Variants in THSD7B observed in about 807,000 individuals in gnomAD.
The protein encoded by THSD7B is thrombospondin type 1 domain containing 7B, also known as thrombospondin type-1 domain-containing protein 7B.
A neutral mutation model predicts 213.6 loss-of-function variants in THSD7B; 138 were observed. The observed-to-expected ratio is 0.65, with a 90% confidence interval of 0.56 to 0.74. The LOEUF (loss-of-function observed/expected upper bound fraction) is 0.74, where lower values mean the gene tolerates loss of function less well. THSD7B is among the 30% of genes least tolerant of loss of function. The pLI, the probability that THSD7B is intolerant of heterozygous loss-of-function variation, is 0.00. For synonymous variants in THSD7B, 742 were observed against 687.0 expected (o/e 1.08, Z -1.25); for missense variants, 1,931 against 1,991.5 (o/e 0.97, Z 0.58).
At chr2:137,433,649 C>T (rs1431894289) in intron 14 of THSD7B, among the ~76,000 whole-genome samples, 1 of 151,988 alleles carries the variant, frequency 6.6e-6, no homozygotes, top group Admixed American at 6.6e-5. Flanking sequence ...CCTCCGTGCC[C>T]CACCTATTTT....
chr2:136,844,205 G>A (rs112694970), intron 1 of THSD7B, among the ~76,000 whole-genome samples: 1,760 of 152,210 alleles, frequency 0.012, 14 homozygotes, highest in Middle Eastern at 0.024. Flanking sequence ...TAACACAGGG[G>A]TTAACGTAGG....
At chr2:137,103,937 G>A (rs768265257) in intron 4 of THSD7B, among the ~76,000 whole-genome samples, 32 of 152,118 alleles carry the variant, frequency 2.1e-4, no homozygotes, top group Admixed American at 7.2e-4. Context: ...AATAATAGTG[G>A]GAGACTTTAA....
chr2:136,823,833 T>C (rs1036918338), intron 1 of THSD7B, among the ~76,000 whole-genome samples: 2 of 152,224 alleles, frequency 1.3e-5, no homozygotes, highest in Non-Finnish European at 1.5e-5. Context: ...GATAAGTTTC[T>C]TCCTTTGAAT....
chr2:137,505,495 C>T (rs939055662), intron 15 of THSD7B, among the ~76,000 whole-genome samples: 1 of 152,184 alleles, frequency 6.6e-6, no homozygotes, highest in Admixed American at 6.5e-5. Context: ...AAGCCCAGTT[C>T]CGCAGAGCTT....
intron 15 of THSD7B, among the ~76,000 whole-genome samples, chr2:137,470,597 T>C (rs1332326203): frequency 1.3e-5 from 2 of 152,212 alleles, no homozygotes; most frequent in African/African-American, 2.4e-5. Flanking sequence ...CTCCATGATG[T>C]TGCAAATTTT....
intron 15 of THSD7B, among the ~76,000 whole-genome samples, chr2:137,527,348 T>C (rs1680298489): frequency 6.6e-6 from 1 of 152,090 alleles, no homozygotes; most frequent in African/African-American, 2.4e-5. Context: ...AAAAACAGAT[T>C]TCCTGCTAGA....
At chr2:137,377,749 C>G (rs924232838) in intron 12 of THSD7B, among the ~76,000 whole-genome samples, 1 of 151,896 alleles carries the variant, frequency 6.6e-6, no homozygotes, top group African/African-American at 2.4e-5. Flanking sequence ...ATCTCAGCCT[C>G]CTGAGTAGCT....
At chr2:136,813,556 G>A (rs1053260884) in intron 1 of THSD7B, among the ~76,000 whole-genome samples, 5 of 152,146 alleles carry the variant, frequency 3.3e-5, no homozygotes, top group Admixed American at 1.3e-4. Flanking sequence ...TTTGAAGTTT[G>A]AACTCATACA....
At position 137,561,720 on chromosome 2, in the gene THSD7B, T is replaced by C. The variant is rs1394436235; in HGVS notation, c.3139-1501T>C. Among the ~76,000 whole-genome samples the C allele has an allele frequency of 5.3e-5, 8 of 152,274 alleles. No homozygotes were observed. In the South Asian group the frequency reaches 1.2e-3, roughly 24 times the overall value. ...TTTCTTACATCTACTATCCTATGAC[T>C]GTTATGGGAAAGACTTCTTAGGTAT... On this transcript the variant is annotated intron_variant, in intron 15 of 27. Coordinates refer to ENST00000409968, the MANE Select transcript of THSD7B (RefSeq NM_001316349.2).
At chr2:137,188,529 G>A (rs1680596672) in intron 7 of THSD7B, among the ~76,000 whole-genome samples, 1 of 152,088 alleles carries the variant, frequency 6.6e-6, no homozygotes, top group Non-Finnish European at 1.5e-5. Flanking sequence ...CTCTCTTACG[G>A]AAACTCATGA....
chr2:137,465,561 T>C (rs946008837), intron 15 of THSD7B, among the ~76,000 whole-genome samples: 10 of 152,132 alleles, frequency 6.6e-5, no homozygotes, highest in Admixed American at 6.6e-4. Flanking sequence ...ATGAGGTAAC[T>C]GGGACTCAGA....
chr2:137,276,891 A>G (rs1003155873), intron 12 of THSD7B, among the ~76,000 whole-genome samples: 3 of 152,090 alleles, frequency 2.0e-5, no homozygotes, highest in Non-Finnish European at 4.4e-5. Context: ...CAAAAAATTT[A>G]CAGATGAAAT....
At chr2:136,773,903 AAG>A (rs1681554977) in intron 1 of THSD7B, among the ~76,000 whole-genome samples, 1 of 151,990 alleles carries the variant, frequency 6.6e-6, no homozygotes. Context: ...AAAAAAAAAA[AAG>A]AAACCACTTC....
At position 137,507,134 on chromosome 2, in the gene THSD7B, G is replaced by C. The variant is rs117866205; in HGVS notation, c.3139-56087G>C. 1.4e-4 allele frequency among the ~76,000 whole-genome samples: 21 copies of C among 152,234 alleles called. No individual in the cohort carries two copies. The East Asian group carries it at 3.7e-3, about 27-fold the overall frequency. ...GAGTATTCTCATTCATACAAAATCT[G>C]GCCTGTTTGTCAACCCTCGTCTTAC... On this transcript the variant is annotated intron_variant, in intron 15 of 27. Coordinates refer to ENST00000409968, the MANE Select transcript of THSD7B (RefSeq NM_001316349.2).
At chr2:137,081,637 G>T (rs1029789783) in intron 3 of THSD7B, among the ~76,000 whole-genome samples, 2 of 151,970 alleles carry the variant, frequency 1.3e-5, no homozygotes, top group Admixed American at 6.6e-5. Context: ...GATTTTGAGG[G>T]TATTTACTGC....
chr2:137,470,910 C>CTTTTTTTTTTTTTT (rs70978226), intron 15 of THSD7B, among the ~76,000 whole-genome samples: 36 of 119,812 alleles, frequency 3.0e-4, no homozygotes, highest in African/African-American at 4.1e-4. Context: ...TTTTTCTTTA[C>CTTTTTTTTTTTTTT]TTTTTTTTTT....
intron 16 of THSD7B, among the ~76,000 whole-genome samples, chr2:137,568,772 G>A (rs746892318): frequency 8.5e-5 from 13 of 152,168 alleles, no homozygotes; most frequent in Non-Finnish European, 1.6e-4. Context: ...CACTTCCCAT[G>A]AGGTATCTCC....
At chr2:137,261,313 T>G (rs568854045) in intron 10 of THSD7B, among the ~76,000 whole-genome samples, 1 of 152,182 alleles carries the variant, frequency 6.6e-6, no homozygotes, top group East Asian at 1.9e-4. Flanking sequence ...AGTATAGGGG[T>G]CATCTAGACG....
chr2:137,112,545 T>G (rs568582969), intron 4 of THSD7B, among the ~76,000 whole-genome samples: 1 of 152,226 alleles, frequency 6.6e-6, no homozygotes, highest in South Asian at 2.1e-4. Flanking sequence ...AATTTCTCCA[T>G]TGCTATTTCT....
Sources: gnomAD v4.1 joint callset for allele counts (sites outside exome capture counted in the v4.1 genomes callset) on GRCh38, gnomAD v4.1.1 for gene constraint, MANE v1.5 for transcripts, NCBI Gene and HGNC (gene_info 2026-07-23, HGNC 2026-07-21) for gene names.